The following PCDHGB1 variants were observed in gnomAD, a reference collection of about 807,000 sequenced individuals.
The protein encoded by PCDHGB1 is protocadherin gamma subfamily B, 1.
A neutral mutation model predicts 56.6 loss-of-function variants in PCDHGB1; 34 were observed. The observed-to-expected ratio is 0.60, with a 90% CI of 0.46 to 0.80. The LOEUF (loss-of-function observed/expected upper bound fraction) is 0.80, where lower values mean the gene tolerates loss of function less well. PCDHGB1 is among the 30% of genes least tolerant of loss of function. PCDHGB1 has a pLI of 0.00. For missense variants in PCDHGB1, 1,278 were observed against 1,204.6 expected, an observed-to-expected ratio of 1.06 and a Z score of -0.90; for synonymous variants, 561 against 505.9, an observed-to-expected ratio of 1.11 and a Z score of -1.46.
chr5:141,415,400 C>G (rs754292889), intron 1 of PCDHGB1: 3 of 1,614,110 alleles, frequency 1.9e-6, no homozygotes, highest in Non-Finnish European at 2.5e-6. Context: ...GTGTCCGGCT[C>G]GCACTTTGTG....
At position 141,413,133 on chromosome 5, in the gene PCDHGB1, C is replaced by T. The variant is rs765215473; in HGVS notation, c.2409+60464C>T. The stretch of plus-strand genomic sequence containing the variant: ...CAAAGGAACCGGTTGAAACACACAA[C>T]GTGTCCAGTGAGGACTTTGCAGAAT... On this transcript the variant is annotated intron_variant, in intron 1 of 3. Transcript: ENST00000523390. 1.1e-5 allele frequency: 17 copies of T among 1,542,110 alleles called. No individual in the cohort carries two copies. In the East Asian group the frequency reaches 3.2e-4, roughly 29 times the overall value.
At chr5:141,358,349 G>T (rs1182827672) in intron 1 of PCDHGB1, among the ~76,000 whole-genome samples, 1 of 152,164 alleles carries the variant, frequency 6.6e-6, no homozygotes, top group Admixed American at 6.5e-5. Flanking sequence ...TGGACTGAGG[G>T]TTTTTTAATT....
At chr5:141,494,188 T>C (rs2099752632) in intron 1 of PCDHGB1, among the ~76,000 whole-genome samples, 1 of 152,186 alleles carries the variant, frequency 6.6e-6, no homozygotes, top group South Asian at 2.1e-4. Flanking sequence ...GTCCCGGGAC[T>C]TGGATGCCCC....
At position 141,470,874 on chromosome 5, in the gene PCDHGB1, T is replaced by G. The variant is rs146599745; in HGVS notation, c.2410-23933T>G. ...AGATAAGTTTTTTGTTTGTTTGTTT[T>G]TTTGTTTTTGTTTTTGTTTTTTGTA... On this transcript the variant is annotated intron_variant, in intron 1 of 3. Coordinates refer to ENST00000523390, the MANE Select transcript of PCDHGB1 (RefSeq NM_018922.3). 1.4e-3 allele frequency among the ~76,000 whole-genome samples: 218 copies of G among 151,820 alleles called. 1 individual carries two copies. Among genetic ancestry groups the G allele is most frequent in the Middle Eastern group, 0.01 (3 of 294 alleles).
intron 1 of PCDHGB1, among the ~76,000 whole-genome samples, chr5:141,480,290 C>T (rs1053173416): frequency 2.2e-5 from 3 of 134,088 alleles, no homozygotes; most frequent in Non-Finnish European, 4.7e-5. Flanking sequence ...TGGCATGCAC[C>T]TGTGGTACCA....
At position 141,431,392 on chromosome 5, in the gene PCDHGB1, C is replaced by T. The variant is rs572129534; in HGVS notation, c.2410-63415C>T. 3 of 1,613,888 alleles carry T rather than the reference C, an allele frequency of 1.9e-6. No homozygotes were observed. Among genetic ancestry groups the T allele is most frequent in the Non-Finnish European group, 2.5e-6 (3 of 1,180,048 alleles). On this transcript the variant is annotated intron_variant, in intron 1 of 3. Transcript: ENST00000523390. The surrounding 1 kb of genome is among the most constrained non-coding windows in gnomAD (Gnocchi z 4.8). ...AAGAAAAGGCTGCTCACCACCTGGT[C>T]CTTACGGCCTCCGACGGGGGCGACC... is the stretch of plus-strand genomic sequence containing the variant.
At chr5:141,399,230 A>G (rs764321114) in intron 1 of PCDHGB1, 2 of 1,614,002 alleles carry the variant, frequency 1.2e-6, no homozygotes, top group Non-Finnish European at 1.7e-6. Context: ...ATCAAAATAC[A>G]TGACCAAGAT....
At position 141,485,892 on chromosome 5, in the gene PCDHGB1, C is replaced by T; in HGVS notation, c.2410-8915C>T. On this transcript the variant is annotated intron_variant, in intron 1 of 3. Coordinates refer to ENST00000523390, the MANE Select transcript of PCDHGB1 (RefSeq NM_018922.3). The surrounding 1 kb of genome is among the most constrained non-coding windows in gnomAD (Gnocchi z 5.7). ...GTGCTGGACGTAAACGACAACGCCC[C>T]AGCCTTCCAGCAATCCAGCTACAGG... is the stretch of plus-strand genomic sequence containing the variant. 6.2e-7 allele frequency: 1 copy of T among 1,614,194 alleles called. No individual in the cohort carries two copies.
intron 1 of PCDHGB1, chr5:141,389,289 A>G (rs1384091312): frequency 1.2e-6 from 2 of 1,613,966 alleles, no homozygotes; most frequent in African/African-American, 1.3e-5. Context: ...TGGAGCCTCT[A>G]TTTCACAAGT....
rs192411178 is a variant in PCDHGB1, at chr5:141,397,840, C to A, written c.2409+45171C>A. ...AATTACTGCACTGGTTAACTTGAAG[C>A]CGCAGAGGCTGTAGTTTCCTAGTGC... On this transcript the variant is annotated intron_variant, in intron 1 of 3. Transcript: ENST00000523390. 268 of 517,094 alleles carry A rather than the reference C, an allele frequency of 5.2e-4. 2 individuals carry two copies. Among genetic ancestry groups the A allele is most frequent in the African/African-American group, 4.6e-3 (241 of 51,950 alleles). The allele number at this position is 517,094 out of a possible 1,614,324, so 32.0% of individuals were successfully genotyped here. A position where few individuals can be genotyped will look rare whatever the true frequency, so the allele number is the denominator to read the frequency against.
chr5:141,409,644 TG>T, intron 1 of PCDHGB1: 1 of 1,613,700 alleles, frequency 6.2e-7, no homozygotes, highest in Non-Finnish European at 8.5e-7. Flanking sequence ...GACCCGGATT[TG>T]GGGCTCAATG....
chr5:141,433,259 T>C (rs776486704), intron 1 of PCDHGB1: 3 of 1,380,658 alleles, frequency 2.2e-6, no homozygotes, highest in Non-Finnish European at 3.0e-6. Flanking sequence ...AGCGGTACGA[T>C]CATAGCTCAC....
At chr5:141,384,748 T>C in intron 1 of PCDHGB1, 1 of 1,613,966 alleles carries the variant, frequency 6.2e-7, no homozygotes, top group African/African-American at 1.3e-5. Flanking sequence ...GCCAGGACTC[T>C]TTGCGGTTGG....
In PCDHGB1 at chr5:141,485,507, G is replaced by A. The variant is rs766643911; in HGVS notation, c.2410-9300G>A. 6.8e-6 allele frequency: 11 copies of A among 1,614,174 alleles called. No homozygotes were observed. Among genetic ancestry groups the A allele is most frequent in the Non-Finnish European group, 8.5e-6 (10 of 1,180,036 alleles). ...CGTGCCCCTGGAGTTTGTCACCGAA[G>A]GTCCTTTGGAAATGTACCGAGCAGA... On this transcript the variant is annotated intron_variant, in intron 1 of 3. Transcript: ENST00000523390. The surrounding 1 kb of genome is among the most constrained non-coding windows in gnomAD (Gnocchi z 5.7).
Position 141,491,944 on chromosome 5 carries a change from C to A in PCDHGB1, c.2410-2863C>A. On this transcript the variant is annotated intron_variant, in intron 1 of 3. Transcript: ENST00000523390. This position sits in a 1 kb window ranked among gnomAD's most constrained non-coding sequence, Gnocchi z 6.9. ...CGAGGGGAGGTGGGACCGACCCCCA[C>A]CCCTACACTCAAAAAAGGCCGGGGC... 2 of 1,120,270 alleles carry A rather than the reference C, an allele frequency of 1.8e-6. No individual in the cohort carries two copies. Among genetic ancestry groups the A allele is most frequent in the Non-Finnish European group, 2.4e-6 (2 of 822,060 alleles). The allele number at this position is 1,120,270 out of a possible 1,614,324, so 69.4% of individuals were successfully genotyped here.
chr5:141,365,177 AAT>A, intron 1 of PCDHGB1: 2 of 1,613,884 alleles, frequency 1.2e-6, no homozygotes, highest in Non-Finnish European at 1.7e-6. Flanking sequence ...CTCTTTTCGC[AAT>A]GAAGAAGAAA....
intron 1 of PCDHGB1, chr5:141,397,922 G>A: frequency 1.4e-6 from 1 of 731,582 alleles, no homozygotes; most frequent in Non-Finnish European, 2.2e-6. Flanking sequence ...AGATCTCCTC[G>A]CGCAGCCGCA....
At chr5:141,399,762 C>T (rs1415096807) in intron 1 of PCDHGB1, 4 of 1,613,352 alleles carry the variant, frequency 2.5e-6, no homozygotes, top group Non-Finnish European at 2.5e-6. Flanking sequence ...TGAGCCTGCG[C>T]GTGTTGGTGG....
chr5:141,390,534 A>C (rs2092170785), intron 1 of PCDHGB1: 1 of 525,162 alleles, frequency 1.9e-6, no homozygotes, highest in Non-Finnish European at 3.3e-6. Context: ...TGTGGTTTTA[A>C]CCACAAAGTG....
Sources: allele counts gnomAD v4.1 joint callset (sites outside exome capture counted in the v4.1 genomes callset), GRCh38; gene constraint gnomAD v4.1.1; non-coding constraint Gnocchi (gnomAD v3.1); transcripts MANE v1.5; gene names NCBI Gene and HGNC (gene_info 2026-07-23, HGNC 2026-07-21).